CENPW: variants seen among roughly 807,000 people sequenced by gnomAD.
CENPW encodes the protein cancer-up-regulated gene 2 protein.
CENPW carries 3 observed loss-of-function variants against 11.1 expected under a neutral mutation model. The ratio of observed to expected loss-of-function variants is 0.27; its 90% CI spans 0.12 to 0.70. The LOEUF is 0.70. CENPW is among the 30% of genes least tolerant of loss of function. CENPW has a pLI of 0.77. For missense variants in CENPW, 100 were observed against 105.6 expected (o/e 0.95, Z 0.23); for synonymous variants, 38 against 42.0 (o/e 0.91, Z 0.37).
chr6:126,346,368 C>A, intron 2 of CENPW, 50 bp downstream of exon 2: 1 of 1,118,618 alleles, frequency 8.9e-7, no homozygotes, highest in Non-Finnish European at 1.3e-6. Context: ...TCAAAAATAA[C>A]ACTCGGTTCA....
chr6:126,466,134 T>A, the CENPW span, among the ~76,000 whole-genome samples: 1 of 152,102 alleles, frequency 6.6e-6, no homozygotes, highest in Non-Finnish European at 1.5e-5. Context: ...TAGAAATTTA[T>A]AGCCCAAAGA....
the CENPW span, among the ~76,000 whole-genome samples, chr6:126,473,929 AATAT>A: frequency 1.3e-5 from 2 of 148,484 alleles, no homozygotes; most frequent in African/African-American, 4.9e-5. Context: ...ATAGATATAG[AATAT>A]ATATAGAATG....
chr6:126,384,109 A>G, the CENPW span, among the ~76,000 whole-genome samples: 1 of 152,140 alleles, frequency 6.6e-6, no homozygotes, highest in Non-Finnish European at 1.5e-5. Context: ...ACTCAAAACC[A>G]TGTAATTACA....
chr6:126,422,487 T>G, the CENPW span, among the ~76,000 whole-genome samples: 1 of 152,090 alleles, frequency 6.6e-6, no homozygotes. Flanking sequence ...ATTATTTGTG[T>G]GCATCGCTGG....
At chr6:126,387,912 T>C in the CENPW span, among the ~76,000 whole-genome samples, 7 of 152,110 alleles carry the variant, frequency 4.6e-5, no homozygotes, top group African/African-American at 1.7e-4. Flanking sequence ...TGAAACATAC[T>C]AGCCAGAGCC....
chr6:126,345,634 A>G (rs919700217), intron 1 of CENPW, among the ~76,000 whole-genome samples: 3 of 151,494 alleles, frequency 2.0e-5, no homozygotes, highest in Admixed American at 1.3e-4. Context: ...CTCGAAGATT[A>G]TTAATAGTAA....
the CENPW span, among the ~76,000 whole-genome samples, chr6:126,398,668 A>C: frequency 6.6e-6 from 1 of 151,914 alleles, no homozygotes; most frequent in South Asian, 2.1e-4. Context: ...TTTTATTTCA[A>C]CTTTCCTTTT....
At chr6:126,406,152 T>G in the CENPW span, among the ~76,000 whole-genome samples, 1 of 152,190 alleles carries the variant, frequency 6.6e-6, no homozygotes, top group East Asian at 1.9e-4. Context: ...TGTTGAGTGT[T>G]TTTATTATGA....
the CENPW span, among the ~76,000 whole-genome samples, chr6:126,395,565 G>C: frequency 6.6e-6 from 1 of 152,048 alleles, no homozygotes; most frequent in Admixed American, 6.6e-5. Flanking sequence ...TCTTTGATGA[G>C]GTAATGTTTT....
chr6:126,380,442 G>A, the CENPW span, among the ~76,000 whole-genome samples: 4 of 152,282 alleles, frequency 2.6e-5, no homozygotes, highest in East Asian at 7.7e-4. Flanking sequence ...CCTTAGTAAT[G>A]AGCAATGGCT....
At chr6:126,450,144 TTTTA>T in the CENPW span, among the ~76,000 whole-genome samples, 4 of 151,162 alleles carry the variant, frequency 2.6e-5, no homozygotes, top group Non-Finnish European at 5.9e-5. Context: ...TGAGTTCTGC[TTTTA>T]TTTGTTTTCT....
chr6:126,454,569 G>A, the CENPW span, among the ~76,000 whole-genome samples: 10 of 151,162 alleles, frequency 6.6e-5, no homozygotes, highest in South Asian at 4.1e-4. Flanking sequence ...CACAGCTAAC[G>A]CAACATTAAG....
chr6:126,346,502 A>T (rs978639021), intron 2 of CENPW, among the ~76,000 whole-genome samples, 184 bp downstream of exon 2: 1 of 152,186 alleles, frequency 6.6e-6, no homozygotes, highest in Non-Finnish European at 1.5e-5. Flanking sequence ...ATTAATTTCC[A>T]ATGGTAATAT....
the CENPW span, among the ~76,000 whole-genome samples, chr6:126,415,638 A>G: frequency 6.6e-6 from 1 of 152,108 alleles, no homozygotes; most frequent in African/African-American, 2.4e-5. Context: ...GAAGTAATTG[A>G]ATCTTGAGGG....
the CENPW span, among the ~76,000 whole-genome samples, chr6:126,376,608 G>C: frequency 6.6e-6 from 1 of 152,032 alleles, no homozygotes; most frequent in Admixed American, 6.6e-5. Flanking sequence ...AACCAGACTA[G>C]GTGCTTCAGC....
chr6:126,423,002 G>A, the CENPW span, among the ~76,000 whole-genome samples: 1 of 152,088 alleles, frequency 6.6e-6, no homozygotes, highest in Non-Finnish European at 1.5e-5. Flanking sequence ...ACTTTAGCTT[G>A]CTTTTCCCTG....
chr6:126,447,262 A>G, the CENPW span, among the ~76,000 whole-genome samples: 4 of 151,222 alleles, frequency 2.6e-5, no homozygotes, highest in Non-Finnish European at 5.9e-5. Flanking sequence ...TAATTTGATA[A>G]ATAACTTTAT....
the CENPW span, among the ~76,000 whole-genome samples, chr6:126,461,494 G>T: frequency 6.6e-6 from 1 of 151,898 alleles, no homozygotes; most frequent in African/African-American, 2.4e-5. Flanking sequence ...AAAGAGTACT[G>T]ACTTTGGAGT....
the CENPW span, among the ~76,000 whole-genome samples, chr6:126,401,458 C>T: frequency 2.0e-5 from 3 of 151,958 alleles, no homozygotes; most frequent in Non-Finnish European, 4.4e-5. Flanking sequence ...GTTTTAGCCT[C>T]AGTCTTAGGT....
Sources: allele counts gnomAD v4.1 joint callset (sites outside exome capture counted in the v4.1 genomes callset), GRCh38; gene constraint gnomAD v4.1.1; transcripts MANE v1.5; gene names NCBI Gene and HGNC (gene_info 2026-07-23, HGNC 2026-07-21).